Variants in ADGRL2 observed in about 807,000 individuals in gnomAD.
The protein encoded by ADGRL2 is adhesion G protein-coupled receptor L2.
ADGRL2 carries 44 observed loss-of-function variants against 157.4 expected under a neutral mutation model. The ratio of observed to expected loss-of-function variants is 0.28; its 90% confidence interval spans 0.22 to 0.36. The LOEUF (loss-of-function observed/expected upper bound fraction) is 0.36, where lower values mean the gene tolerates loss of function less well. Ranked by LOEUF, ADGRL2 falls within the 10% of genes least tolerant of loss-of-function variation. The pLI is 1.00. For synonymous variants in ADGRL2, 585 were observed against 624.7 expected, an observed-to-expected ratio of 0.94 and a Z score of 0.95; for missense variants, 1,510 against 1,768.9, an observed-to-expected ratio of 0.85 and a Z score of 2.63.
intron 1 of ADGRL2, among the ~76,000 whole-genome samples, chr1:81,322,096 A>ATC (rs1435078211): frequency 3.0e-4 from 35 of 115,756 alleles, no homozygotes; most frequent in African/African-American, 1.0e-3. Context: ...TCATATATAT[A>ATC]TATATATATA....
intron 3 of ADGRL2, among the ~76,000 whole-genome samples, chr1:81,672,447 C>T (rs1257260100): frequency 1.3e-5 from 2 of 152,162 alleles, no homozygotes; most frequent in African/African-American, 4.8e-5. Context: ...GCTAAAAAAG[C>T]ACTTGGCATA....
At chr1:81,314,977 A>T (rs1022587697) in intron 1 of ADGRL2, among the ~76,000 whole-genome samples, 1 of 152,106 alleles carries the variant, frequency 6.6e-6, no homozygotes, top group African/African-American at 2.4e-5. Context: ...GGTCTTTGCA[A>T]CTCTTCCAAC....
At chr1:81,429,818 G>A (rs1026632651) in intron 1 of ADGRL2, among the ~76,000 whole-genome samples, 2 of 152,216 alleles carry the variant, frequency 1.3e-5, no homozygotes, top group African/African-American at 4.8e-5. Context: ...AGGAAAGGAG[G>A]TGAAGAAAAG....
chr1:81,939,991 TA>T (rs1369524866), intron 4 of ADGRL2, among the ~76,000 whole-genome samples: 1 of 151,186 alleles, frequency 6.6e-6, no homozygotes. Flanking sequence ...ATATATAATT[TA>T]TACTTATTTT....
At chr1:81,313,172 G>A (rs1174299487) in intron 1 of ADGRL2, among the ~76,000 whole-genome samples, 2 of 152,098 alleles carry the variant, frequency 1.3e-5, no homozygotes, top group Non-Finnish European at 2.9e-5. Context: ...GTATTTAAAT[G>A]TTTCATGACT....
intron 2 of ADGRL2, among the ~76,000 whole-genome samples, chr1:81,477,391 T>C (rs765646209): frequency 7.2e-5 from 11 of 152,264 alleles, no homozygotes; most frequent in Non-Finnish European, 1.5e-4. Flanking sequence ...GGATTCATTC[T>C]GTTTCTACAG....
At chr1:81,957,489 T>C (rs1653903477) in intron 11 of ADGRL2, among the ~76,000 whole-genome samples, 1 of 151,996 alleles carries the variant, frequency 6.6e-6, no homozygotes, top group South Asian at 2.1e-4. Context: ...GCTTGAGCTC[T>C]GGAGTTCGAG....
chr1:81,917,085 C>A (rs890085507), intron 3 of ADGRL2, among the ~76,000 whole-genome samples: 2 of 151,944 alleles, frequency 1.3e-5, no homozygotes, highest in Admixed American at 6.6e-5. Context: ...CTTCTTCTAC[C>A]TCCTTCAGTG....
At position 81,641,536 on chromosome 1, in the gene ADGRL2, C is replaced by A. The variant is rs2082218767; in HGVS notation, c.-143+60556C>A. On this transcript the variant is annotated intron_variant, in intron 3 of 24. Coordinates refer to the ADGRL2 transcript ENST00000370721. ...GACAACAGAAAAATAGCTGGAAAATCCCCCAAAAAACTTAGAGACTGAACA... is the reference window on the plus strand; with the variant it reads ...GACAACAGAAAAATAGCTGGAAAATACCCCAAAAAACTTAGAGACTGAACA... Among the ~76,000 whole-genome samples the A allele has an allele frequency of 3.3e-5, 5 of 152,242 alleles. No individual in the cohort carries two copies. The South Asian group carries it at 1.0e-3, about 32-fold the overall frequency.
chr1:81,907,086 A>G lies in ADGRL2; in HGVS notation c.143A>G (p.Asp48Gly). The G allele has an allele frequency of 6.2e-7, 1 of 1,614,116 alleles. No individual in the cohort carries two copies. The highest frequency in any genetic ancestry group is 8.5e-7 in the Non-Finnish European group (1 of 1,180,008). Residue 48 changes from aspartate to glycine, a missense_variant, in exon 3 of 24, where the codon GAT (aspartate) becomes GGT (glycine). Transcript: ENST00000686636. ...RELSCEGYSI[D>G]LRCPGSDVIM... ...TTATCCTGTGAAGGTTATTCTATAGATCTGCGATGCCCGGGCAGTGATGTC... is the reference window on the plus strand; with the variant it reads ...TTATCCTGTGAAGGTTATTCTATAGGTCTGCGATGCCCGGGCAGTGATGTC...
chr1:81,510,712 T>G (rs905470530), intron 2 of ADGRL2, among the ~76,000 whole-genome samples: 8 of 152,304 alleles, frequency 5.3e-5, no homozygotes, highest in Middle Eastern at 6.8e-3. Context: ...TAGGGTCCTT[T>G]TTGTCATTTT....
chr1:81,661,579 T>TA (rs1557545971), intron 3 of ADGRL2, among the ~76,000 whole-genome samples: 2 of 152,150 alleles, frequency 1.3e-5, no homozygotes, highest in African/African-American at 4.8e-5. Flanking sequence ...AAAACTTTTT[T>TA]AAAAAATGAC....
At chr1:81,424,226 C>G (rs1003701179) in intron 1 of ADGRL2, among the ~76,000 whole-genome samples, 1 of 152,222 alleles carries the variant, frequency 6.6e-6, no homozygotes. Context: ...CAACTGCCAT[C>G]TGTTGAGTGT....
At chr1:81,383,034 T>G (rs1202895274) in intron 1 of ADGRL2, among the ~76,000 whole-genome samples, 2 of 152,184 alleles carry the variant, frequency 1.3e-5, no homozygotes, top group East Asian at 3.9e-4. Flanking sequence ...AGGCACTGCC[T>G]TAGTGTTTGG....
intron 2 of ADGRL2, among the ~76,000 whole-genome samples, chr1:81,784,128 A>G (rs2086930109): frequency 6.6e-6 from 1 of 152,250 alleles, no homozygotes. Flanking sequence ...AAAAATAAAA[A>G]AAAGCATCTT....
At chr1:81,896,402 C>G (rs536746483) in intron 2 of ADGRL2, among the ~76,000 whole-genome samples, 1 of 152,138 alleles carries the variant, frequency 6.6e-6, no homozygotes, top group African/African-American at 2.4e-5. Flanking sequence ...TCTAGCAGGT[C>G]GTCAGTCATT....
At chr1:81,357,459 C>T (rs1363849154) in intron 1 of ADGRL2, among the ~76,000 whole-genome samples, 1 of 152,056 alleles carries the variant, frequency 6.6e-6, no homozygotes, top group African/African-American at 2.4e-5. Flanking sequence ...CTTTTACCAG[C>T]CATTTCTTTC....
At chr1:81,900,318 C>G (rs576027893) in intron 2 of ADGRL2, among the ~76,000 whole-genome samples, 5 of 152,316 alleles carry the variant, frequency 3.3e-5, no homozygotes, top group African/African-American at 1.2e-4. Context: ...ACTAGAACTT[C>G]TAGCAGATGT....
At chr1:81,688,717 G>A (rs2083277327) in intron 3 of ADGRL2, among the ~76,000 whole-genome samples, 1 of 152,068 alleles carries the variant, frequency 6.6e-6, no homozygotes, top group African/African-American at 2.4e-5. Flanking sequence ...TGGTGAACTA[G>A]TTTGATTTTT....
Sources: allele counts gnomAD v4.1 joint callset (sites outside exome capture counted in the v4.1 genomes callset), GRCh38; gene constraint gnomAD v4.1.1; transcripts MANE v1.5; gene names NCBI Gene and HGNC (gene_info 2026-07-23, HGNC 2026-07-21).